CNIH3: variants seen among roughly 807,000 people sequenced by gnomAD.
CNIH3 encodes protein cornichon homolog 3.
In CNIH3, 14 loss-of-function variants were observed where a neutral mutation model predicts 24.1. The ratio of observed to expected loss-of-function variants is 0.58; its 90% CI spans 0.38 to 0.91. The LOEUF (loss-of-function observed/expected upper bound fraction) is 0.91, where lower values mean the gene tolerates loss of function less well. Among genes scored for constraint, CNIH3 ranks in the 40% least tolerant of loss-of-function variants. CNIH3 has a pLI of 0.00. For missense variants in CNIH3, 178 were observed against 196.8 expected (o/e 0.90, Z 0.57); for synonymous variants, 68 against 73.8 (o/e 0.92, Z 0.40).
chr1:224,546,795 C>G, intron 2 of CNIH3: 2 of 577,746 alleles, frequency 3.5e-6, no homozygotes, highest in Non-Finnish European at 4.4e-6. Context: ...CAAATAAAAC[C>G]ATTCAAGTCT....
At position 224,688,880 on chromosome 1, in the gene CNIH3, G is replaced by A. The variant is rs1197176748; in HGVS notation, c.198+4037G>A. On this transcript the variant is annotated intron_variant, in intron 3 of 5. Coordinates refer to ENST00000272133, the MANE Select transcript of CNIH3 (RefSeq NM_152495.2). ...GTGGAGGTTGCAGTGAGCCGAGATC[G>A]CGCCATTGCACTCCAGCCTGGGCAA... Among the ~76,000 whole-genome samples the A allele has an allele frequency of 6.0e-5, 9 of 149,562 alleles. No homozygotes were observed. The South Asian group carries it at 6.3e-4, about 11-fold the overall frequency.
intron 3 of CNIH3, among the ~76,000 whole-genome samples, chr1:224,596,598 G>T (rs916985859): frequency 1.3e-5 from 2 of 152,178 alleles, no homozygotes; most frequent in Non-Finnish European, 2.9e-5. Flanking sequence ...GGCTGCCATA[G>T]ATAGTGATTC....
intron 3 of CNIH3, among the ~76,000 whole-genome samples, chr1:224,594,993 G>T (rs1220389334): frequency 6.6e-6 from 1 of 152,206 alleles, no homozygotes; most frequent in Non-Finnish European, 1.5e-5. Context: ...TGTTGAGCAA[G>T]TCTGTCAGCA....
chr1:224,711,695 T>C (rs1426084317), intron 3 of CNIH3, among the ~76,000 whole-genome samples: 1 of 145,168 alleles, frequency 6.9e-6, no homozygotes, highest in Non-Finnish European at 1.5e-5. Context: ...CTCAGGAGGC[T>C]GAGGTGGGAG....
chr1:224,726,580 A>T (rs1208639552), intron 3 of CNIH3, among the ~76,000 whole-genome samples: 2 of 152,078 alleles, frequency 1.3e-5, no homozygotes, highest in African/African-American at 4.8e-5. Context: ...AGTGACTTCC[A>T]TCTCTCTATG....
chr1:224,500,402 C>G (rs558519466), intron 1 of CNIH3, among the ~76,000 whole-genome samples: 1 of 151,864 alleles, frequency 6.6e-6, no homozygotes, highest in Non-Finnish European at 1.5e-5. Flanking sequence ...GCTGGTGCAA[C>G]AGTTCATGCC....
intron 4 of CNIH3, among the ~76,000 whole-genome samples, chr1:224,734,195 T>C (rs2125246554): frequency 6.6e-6 from 1 of 152,356 alleles, no homozygotes; most frequent in Non-Finnish European, 1.5e-5. Flanking sequence ...TAGGGTAGAA[T>C]GGAGGTATGG....
At chr1:224,651,507 G>A (rs373374319) in intron 1 of CNIH3, among the ~76,000 whole-genome samples, 1 of 152,110 alleles carries the variant, frequency 6.6e-6, no homozygotes, top group Non-Finnish European at 1.5e-5. Context: ...CAGGGTTGCC[G>A]GTGTTAGCAA....
At chr1:224,540,861 C>T (rs1220863283), downstream of CNIH3, among the ~76,000 whole-genome samples, 3 of 152,172 alleles carry the variant, frequency 2.0e-5, no homozygotes, top group Admixed American at 6.5e-5. Context: ...TTGCATTTCT[C>T]ATTAGAATAT....
At chr1:224,487,141 A>G (rs1677061553) in intron 1 of CNIH3, among the ~76,000 whole-genome samples, 1 of 152,226 alleles carries the variant, frequency 6.6e-6, no homozygotes, top group Non-Finnish European at 1.5e-5. Context: ...AAGGGGATTT[A>G]CTAAATTTAT....
chr1:224,626,488 C>CA (rs1296822102), intron 1 of CNIH3, among the ~76,000 whole-genome samples: 3 of 152,076 alleles, frequency 2.0e-5, no homozygotes, highest in African/African-American at 7.2e-5. Flanking sequence ...AAAGCCCAAA[C>CA]AAAAAACTAA....
At chr1:224,456,184 A>T (rs1675642570) in intron 1 of CNIH3, among the ~76,000 whole-genome samples, 1 of 151,938 alleles carries the variant, frequency 6.6e-6, no homozygotes, top group Non-Finnish European at 1.5e-5. Context: ...TGAAGAGGGC[A>T]CTCTTTTCTT....
intron 1 of CNIH3, among the ~76,000 whole-genome samples, chr1:224,436,557 A>G (rs1320983892): frequency 6.6e-6 from 1 of 152,196 alleles, no homozygotes; most frequent in Non-Finnish European, 1.5e-5. Context: ...TAAACTCTAT[A>G]TTCCAGTTTT....
chr1:224,487,495 A>C (rs1677073570), intron 1 of CNIH3, among the ~76,000 whole-genome samples: 1 of 152,190 alleles, frequency 6.6e-6, no homozygotes. Flanking sequence ...TTTTCTCCCC[A>C]AAGTGGAGAA....
intron 3 of CNIH3, chr1:224,565,631 ATGCACT>A (rs1680548914): frequency 6.6e-6 from 1 of 152,356 alleles, no homozygotes; most frequent in Middle Eastern, 3.1e-3. Context: ...TCAGCCCACT[ATGCACT>A]ATGTCAGGCC....
intron 1 of CNIH3, among the ~76,000 whole-genome samples, chr1:224,479,476 T>G (rs1180056582): frequency 6.6e-6 from 1 of 152,180 alleles, no homozygotes; most frequent in Non-Finnish European, 1.5e-5. Flanking sequence ...CTTAACTCAT[T>G]TCAGCATTAA....
chr1:224,616,752 G>C lies in CNIH3; in HGVS notation c.-423G>C. The C allele has an allele frequency of 9.9e-7, 1 of 1,013,436 alleles. No homozygotes were observed. The highest frequency in any genetic ancestry group is 1.2e-6 in the Non-Finnish European group (1 of 848,314). The allele number at this position is 1,013,436 out of a possible 1,614,324, so 62.8% of individuals were successfully genotyped here. ...GCGGAGCGCTCGTCTCTCCTCAGCG[G>C]TTTAGTGGAGAAAAGCAGAGAGCTC... is the stretch of plus-strand genomic sequence containing the variant. On this transcript the variant is annotated 5_prime_UTR_variant, in exon 1 of 6. Coordinates refer to ENST00000272133, the MANE Select transcript of CNIH3 (RefSeq NM_152495.2).
At chr1:224,640,417 G>T (rs1684300732) in intron 1 of CNIH3, among the ~76,000 whole-genome samples, 1 of 152,210 alleles carries the variant, frequency 6.6e-6, no homozygotes, top group African/African-American at 2.4e-5. Context: ...TGCCCTGAGA[G>T]GCAATTTGAA....
chr1:224,690,369 T>A lies in CNIH3; in HGVS notation c.198+5526T>A, dbSNP rs531195629. On this transcript the variant is annotated intron_variant, in intron 3 of 5. Transcript: ENST00000272133. ...GCATGCACCACCATGCCTGGCTAAT[T>A]TTTGTATTTTTAGTAGAGATGAGGT... Among the ~76,000 whole-genome samples, 15 of 152,108 alleles carry A rather than the reference T, an allele frequency of 9.9e-5. No individual in the cohort carries two copies. In the South Asian group the frequency reaches 3.1e-3, roughly 32 times the overall value.
Sources: gnomAD v4.1 joint callset for allele counts (sites outside exome capture counted in the v4.1 genomes callset) on GRCh38, gnomAD v4.1.1 for gene constraint, MANE v1.5 for transcripts, NCBI Gene and HGNC (gene_info 2026-07-23, HGNC 2026-07-21) for gene names.